Variants in CHTF18 observed in about 807,000 individuals in gnomAD.
CHTF18 encodes chromosome transmission fidelity protein 18 homolog.
CHTF18 carries 151 observed loss-of-function variants against 113.4 expected under a neutral mutation model. The ratio of observed to expected loss-of-function variants is 1.33; its 90% CI spans 1.17 to 1.52. The LOEUF (loss-of-function observed/expected upper bound fraction) is 1.52. Among genes scored for constraint, CHTF18 ranks in the 40% most tolerant of loss-of-function variants. CHTF18 has a pLI of 0.00. For missense variants in CHTF18, 1,982 were observed against 1,381.6 expected, an observed-to-expected ratio of 1.43 and a Z score of -6.89; for synonymous variants, 916 against 598.8, an observed-to-expected ratio of 1.53 and a Z score of -7.74.
chr16:789,695 C>T lies in CHTF18; in HGVS notation c.586C>T (p.Pro196Ser), dbSNP rs774752954. Residue 196 changes from proline to serine, a missense_variant, in exon 4 of 22, where the codon CCC becomes TCC. Physicochemically the swap from Pro to Ser is moderately conservative, Grantham distance 74 (BLOSUM62 -1). Coordinates refer to ENST00000262315, the MANE Select transcript of CHTF18 (RefSeq NM_022092.3). ...VRAYLVLRAD[P>S]MAPGVQGSLL... ...GGCTTATCTGGTGCTGCGTGCTGAC[C>T]CCATGGCCCCGGGGGTGCAGGTGCG... 3.8e-6 allele frequency: 6 copies of T among 1,594,832 alleles called. No homozygotes were observed. In the Admixed American group the frequency reaches 5.1e-5, roughly 13 times the overall value.
intron 15 of CHTF18, among the ~76,000 whole-genome samples, chr16:794,495 C>T (rs549865296): frequency 9.2e-5 from 14 of 152,094 alleles, no homozygotes; most frequent in African/African-American, 3.4e-4. Flanking sequence ...GGAGCCCCTG[C>T]CGGACAGCCT....
chr16:789,825 C>T (rs958115736), intron 4 of CHTF18, 110 bp downstream of exon 4: 7 of 1,378,210 alleles, frequency 5.1e-6, no homozygotes, highest in Middle Eastern at 1.9e-4. Context: ...TGTGCAGAGC[C>T]CCAGGGGTGC....
intron 7 of CHTF18, 51 bp downstream of exon 7, chr16:790,717 T>C (rs757081210): frequency 5.2e-5 from 77 of 1,476,446 alleles, no homozygotes; most frequent in Non-Finnish European, 6.9e-5. Flanking sequence ...GTTCCCAAGA[T>C]GGAAGAACCT....
At chr16:794,756 G>A (rs1484803777) in intron 15 of CHTF18, 6 of 281,436 alleles carry the variant, frequency 2.1e-5, no homozygotes, top group Non-Finnish European at 1.4e-5. Context: ...GGGACGCCAC[G>A]GCCTGGACTC....
chr16:795,928 G>C lies in CHTF18; in HGVS notation c.2326-19G>C. Reference sequence around the variant, plus strand: ...GTACAGCCTGCTCAGCTCCCTGTCTGCTGCCTCCCATCCCCTAGGTGAGCA... The same window carrying C: ...GTACAGCCTGCTCAGCTCCCTGTCTCCTGCCTCCCATCCCCTAGGTGAGCA... On this transcript the variant is annotated intron_variant, in intron 17 of 21. Transcript: ENST00000262315. 1.9e-6 allele frequency: 3 copies of C among 1,603,284 alleles called. No individual in the cohort carries two copies. The South Asian group carries it at 3.3e-5, about 18-fold the overall frequency.
In CHTF18 at chr16:796,974, C is replaced by A. The variant is rs747625187; in HGVS notation, c.2615C>A (p.Pro872His). 6.5e-7 allele frequency: 1 copy of A among 1,527,694 alleles called. No individual in the cohort carries two copies. The allele number at this position is 1,527,694 out of a possible 1,614,324, so 94.6% of individuals were successfully genotyped here. A position where few individuals can be genotyped will look rare whatever the true frequency, so the allele number is the denominator to read the frequency against. ...VENSPQVDGS[P>H]PGLEGLLGGI... ...TGCTCCCTACAGGTGGATGGGAGCC[C>A]CCCAGGGCTCGAGGGTCTGCTGGGG... The change falls in exon 20 of 22, where the codon CCC (proline) becomes CAC (histidine). Residue 872 changes from proline (P) to histidine (H), a missense_variant. Physicochemically the swap from Pro to His is moderately conservative, Grantham distance 77. Coordinates refer to ENST00000262315, the MANE Select transcript of CHTF18 (RefSeq NM_022092.3).
chr16:792,654 C>T lies in CHTF18; in HGVS notation c.1478+64C>T, dbSNP rs1763354462. On this transcript the variant is annotated intron_variant, in intron 11 of 21. Coordinates refer to ENST00000262315, the MANE Select transcript of CHTF18 (RefSeq NM_022092.3). ...TGGTGCCTGGAGGGAGGGTTCCGGC[C>T]CGTCCCTGTGTCCTGGGCTGTGGTG... is the stretch of plus-strand genomic sequence containing the variant. The T allele has an allele frequency of 6.3e-6, 10 of 1,590,246 alleles. No homozygotes were observed. The East Asian group carries it at 2.0e-4, about 32-fold the overall frequency.
intron 3 of CHTF18, 26 bp downstream of exon 3, chr16:789,386 C>T: frequency 1.3e-6 from 2 of 1,560,620 alleles, no homozygotes; most frequent in Non-Finnish European, 1.7e-6. Context: ...ATGGGCGTCC[C>T]ATCCCATCTG....
rs911536168 is a variant in CHTF18, at chr16:789,706, G to A, written c.597G>A (p.Pro199=). ...TGCTGCGTGCTGACCCCATGGCCCC[G>A]GGGGTGCAGGTGCGTGGCTGTGGCC... ...YLVLRADPMA[P]GVQGSLLHVP... Residue 199 remains proline (P), a synonymous_variant, in exon 4 of 22, where the codon CCG becomes CCA. Coordinates refer to ENST00000262315, the MANE Select transcript of CHTF18 (RefSeq NM_022092.3). 1.8e-5 allele frequency: 29 copies of A among 1,589,006 alleles called. No individual in the cohort carries two copies. The highest frequency in any genetic ancestry group is 1.7e-4 in the Middle Eastern group (1 of 5,912).
In CHTF18 at chr16:797,858, G is replaced by C. The variant is rs866310010; in HGVS notation, c.2811G>C (p.Gln937His). 6.2e-7 allele frequency: 1 copy of C among 1,607,526 alleles called. No individual in the cohort carries two copies. ...VPSAGDTAPE[Q>H]DSVERRMGTA... The stretch of plus-strand genomic sequence containing the variant: ...CCGCAGGGGACACGGCCCCGGAGCA[G>C]GACTCAGTGGAGCGGCGCATGGGCA... The change falls in exon 22 of 22, where the codon CAG (glutamine) becomes CAC (histidine). Residue 937 changes from glutamine (Q) to histidine (H), a missense_variant. By Grantham distance (24) the Gln-to-His change is conservative. Coordinates refer to ENST00000262315, the MANE Select transcript of CHTF18 (RefSeq NM_022092.3).
At chr16:797,661 C>T (rs775203628) in intron 20 of CHTF18, 33 bp from the exon 21 acceptor site, 14 of 1,609,874 alleles carry the variant, frequency 8.7e-6, no homozygotes, top group East Asian at 4.5e-5. Flanking sequence ...GGGCATCTGT[C>T]CTATACGACT....
At chr16:795,886 T>TA in intron 17 of CHTF18, 52 bp downstream of exon 17, 2 of 1,601,988 alleles carry the variant, frequency 1.2e-6, no homozygotes, top group Admixed American at 3.4e-5. Flanking sequence ...CCTCCTGTCC[T>TA]AGGTGAGCAC....
intron 3 of CHTF18, 23 bp from the exon 4 acceptor site, chr16:789,524 A>T (rs2042109402): frequency 1.3e-6 from 2 of 1,576,292 alleles, no homozygotes; most frequent in Non-Finnish European, 1.7e-6. Flanking sequence ...AGTTTCTGCC[A>T]CTGAGCCCCG....
chr16:795,969 C>G lies in CHTF18; in HGVS notation c.2348C>G (p.Thr783Ser), dbSNP rs775767929. The G allele has an allele frequency of 4.3e-6, 7 of 1,609,688 alleles. No homozygotes were observed. Among genetic ancestry groups the G allele is most frequent in the Admixed American group, 1.7e-5 (1 of 59,686 alleles). ...LRPVSTQLYS[T>S]REKQQLASLV... Reference sequence around the variant, plus strand: ...TAGGTGAGCACACAGCTGTACAGCACCCGTGAAAAGCAACAGCTGGCCAGC... The same window carrying G: ...TAGGTGAGCACACAGCTGTACAGCAGCCGTGAAAAGCAACAGCTGGCCAGC... Residue 783 changes from threonine to serine, a missense_variant, in exon 18 of 22, where the codon ACC becomes AGC. Coordinates refer to ENST00000262315, the MANE Select transcript of CHTF18 (RefSeq NM_022092.3).
Position 795,792 on chromosome 16 carries a change from C to T in CHTF18, c.2283C>T (p.Ala761=), listed in dbSNP as rs369145820. The part of the protein sequence containing the change: ...RATPQALLLD[A]LCLLLDILAP... ...CGCCCCAGGCCCTGCTCCTCGATGC[C>T]CTCTGCCTGCTCCTGGACATTCTTG... is the stretch of plus-strand genomic sequence containing the variant. The change falls in exon 17 of 22, where the codon GCC becomes GCT. Residue 761 remains alanine, a synonymous_variant. Coordinates refer to ENST00000262315, the MANE Select transcript of CHTF18 (RefSeq NM_022092.3). 2.5e-5 allele frequency: 40 copies of T among 1,609,836 alleles called. No homozygotes were observed. Among genetic ancestry groups the T allele is most frequent in the South Asian group, 1.3e-4 (12 of 90,668 alleles).
intron 18 of CHTF18, 169 bp from the exon 19 acceptor site, chr16:796,548 C>T (rs2042353518): frequency 4.1e-6 from 3 of 723,412 alleles, no homozygotes; most frequent in Non-Finnish European, 6.5e-6. Flanking sequence ...AGGCTCGGGG[C>T]AGTTAAACCT....
At chr16:795,627 A>ACAC in intron 16 of CHTF18, 58 bp from the exon 17 acceptor site, 2 of 769,662 alleles carry the variant, frequency 2.6e-6, no homozygotes, top group Non-Finnish European at 3.6e-6. Context: ...CCCACCCACC[A>ACAC]TTCCCCCCTC....
rs1183486465 is a variant in CHTF18, at chr16:789,537, C to G, written c.438-10C>G. ...TGAGTTTCTGCCACTGAGCCCCGGTCTCTCTCCAGAGTCTCAGAAGCTGCT... is the reference window on the plus strand; with the variant it reads ...TGAGTTTCTGCCACTGAGCCCCGGTGTCTCTCCAGAGTCTCAGAAGCTGCT... On this transcript the variant is annotated splice_polypyrimidine_tract_variant and intron_variant, in intron 3 of 21. Transcript: ENST00000262315. The G allele has an allele frequency of 6.3e-7, 1 of 1,588,496 alleles. No homozygotes were observed. Among genetic ancestry groups the G allele is most frequent in the Non-Finnish European group, 8.6e-7 (1 of 1,166,810 alleles).
chr16:793,925 G>T, intron 14 of CHTF18, 129 bp from the exon 15 acceptor site: 1 of 1,064,266 alleles, frequency 9.4e-7, no homozygotes, highest in Non-Finnish European at 1.4e-6. Context: ...GAGCGAGGCA[G>T]CAAGGGCCCT....
Sources: allele counts gnomAD v4.1 joint callset (sites outside exome capture counted in the v4.1 genomes callset), GRCh38; gene constraint gnomAD v4.1.1; transcripts MANE v1.5; gene names NCBI Gene and HGNC (gene_info 2026-07-23, HGNC 2026-07-21).